The following KLHL1 variants were observed in gnomAD, a reference collection of about 807,000 sequenced individuals.
The protein encoded by KLHL1 is kelch-like protein 1.
KLHL1 carries 47 observed loss-of-function variants against 77.7 expected under a neutral mutation model. The observed-to-expected ratio is 0.60, with a 90% CI of 0.48 to 0.77. The LOEUF (loss-of-function observed/expected upper bound fraction) is 0.77. Ranked by LOEUF, KLHL1 falls within the 30% of genes least tolerant of loss-of-function variation. The probability of loss-of-function intolerance (pLI) is 0.00; values close to 1 mark genes in which losing one functional copy is unlikely to be tolerated. For missense variants in KLHL1, 925 were observed against 910.8 expected, an observed-to-expected ratio of 1.02 and a Z score of -0.20; for synonymous variants, 360 against 325.2, an observed-to-expected ratio of 1.11 and a Z score of -1.15.
chr13:69,743,211 G>A (rs1161515372), intron 7 of KLHL1, among the ~76,000 whole-genome samples: 1 of 152,008 alleles, frequency 6.6e-6, no homozygotes, highest in East Asian at 1.9e-4. Flanking sequence ...TGTTATAAGA[G>A]CAATGGAAAA....
intron 5 of KLHL1, among the ~76,000 whole-genome samples, chr13:69,868,864 C>T (rs1157250819): frequency 6.6e-6 from 1 of 152,038 alleles, no homozygotes; most frequent in Non-Finnish European, 1.5e-5. Flanking sequence ...TTCTCAGAGC[C>T]TCAATTCCTA....
intron 1 of KLHL1, among the ~76,000 whole-genome samples, chr13:70,054,057 T>A (rs1454070066): frequency 6.6e-6 from 1 of 152,136 alleles, no homozygotes; most frequent in Non-Finnish European, 1.5e-5. Context: ...ATTCTTTTAA[T>A]GGCATTAGCT....
chr13:69,788,727 G>A (rs1170100713), intron 7 of KLHL1, among the ~76,000 whole-genome samples: 4 of 152,036 alleles, frequency 2.6e-5, no homozygotes, highest in African/African-American at 2.4e-5. Flanking sequence ...TTGATAGACA[G>A]TGTATAAATA....
Position 70,107,391 on chromosome 13 carries a change from C to T in KLHL1, c.309G>A (p.Leu103=). 4 of 1,613,996 alleles carry T rather than the reference C, an allele frequency of 2.5e-6. No individual in the cohort carries two copies. Among genetic ancestry groups the T allele is most frequent in the Non-Finnish European group, 3.4e-6 (4 of 1,180,030 alleles). Residue 103 remains leucine (L), a synonymous_variant, in exon 1 of 11, where the codon CTG becomes CTA. Coordinates refer to ENST00000377844, the MANE Select transcript of KLHL1 (RefSeq NM_020866.3). ...NGTLLPVATR[L]QQGAPGQGTQ... ...TGCCCTGCCCAGGAGCCCCTTGCTGCAGCCTCGTGGCAACTGGAAGCAGGG... is the reference window on the plus strand; with the variant it reads ...TGCCCTGCCCAGGAGCCCCTTGCTGTAGCCTCGTGGCAACTGGAAGCAGGG...
chr13:69,930,390 A>G (rs1359148612), intron 4 of KLHL1, among the ~76,000 whole-genome samples: 1 of 151,838 alleles, frequency 6.6e-6, no homozygotes, highest in Non-Finnish European at 1.5e-5. Context: ...CAAAGTACCA[A>G]AAGCTTTTCA....
chr13:69,866,949 T>G lies in KLHL1; in HGVS notation c.1227+15334A>C, dbSNP rs545104673. On this transcript the variant is annotated intron_variant, in intron 5 of 10. Coordinates refer to ENST00000377844, the MANE Select transcript of KLHL1 (RefSeq NM_020866.3). ...CATTTTCTGACCTAAATTATCACGT[T>G]TAATCATTACACATATATTTAATTT... Among the ~76,000 whole-genome samples the G allele has an allele frequency of 5.5e-3, 830 of 150,314 alleles. 5 individuals carry two copies. The highest frequency in any genetic ancestry group is 0.018 in the African/African-American group (750 of 40,748).
At chr13:69,734,836 A>G (rs1020007765) in intron 8 of KLHL1, among the ~76,000 whole-genome samples, 3 of 152,146 alleles carry the variant, frequency 2.0e-5, no homozygotes, top group Non-Finnish European at 4.4e-5. Context: ...TAAAACTTCT[A>G]CTGTCATTTC....
chr13:69,871,720 G>A (rs1226211734), intron 5 of KLHL1, among the ~76,000 whole-genome samples: 4 of 150,224 alleles, frequency 2.7e-5, no homozygotes, highest in African/African-American at 9.8e-5. Context: ...GACACAATTC[G>A]GCCAACTTTT....
chr13:69,995,016 G>A (rs1329081821), intron 1 of KLHL1, among the ~76,000 whole-genome samples: 1 of 152,078 alleles, frequency 6.6e-6, no homozygotes, highest in Non-Finnish European at 1.5e-5. Context: ...AGACAGTGTG[G>A]ACACGAGTGT....
chr13:69,742,808 C>G (rs1874040117), intron 7 of KLHL1, among the ~76,000 whole-genome samples: 1 of 152,060 alleles, frequency 6.6e-6, no homozygotes, highest in South Asian at 2.1e-4. Flanking sequence ...AATTAAAAAC[C>G]ATAAACTTCA....
chr13:69,949,592 G>C (rs1368376189), intron 3 of KLHL1, among the ~76,000 whole-genome samples: 1 of 151,606 alleles, frequency 6.6e-6, no homozygotes, highest in Non-Finnish European at 1.5e-5. Context: ...AAGTCCCTAT[G>C]CACAGCCTAC....
chr13:69,847,622 T>A (rs900736778), intron 5 of KLHL1, among the ~76,000 whole-genome samples: 1 of 151,512 alleles, frequency 6.6e-6, no homozygotes, highest in Non-Finnish European at 1.5e-5. Context: ...GGCTATATTA[T>A]GAAAACATAT....
chr13:70,082,337 A>G, intron 1 of KLHL1, among the ~76,000 whole-genome samples: 1 of 147,552 alleles, frequency 6.8e-6, no homozygotes, highest in Non-Finnish European at 1.5e-5. Flanking sequence ...ACACACACAC[A>G]CACACACACA....
At chr13:69,721,351 A>G (rs890810438) in intron 8 of KLHL1, among the ~76,000 whole-genome samples, 2 of 151,034 alleles carry the variant, frequency 1.3e-5, no homozygotes, top group Admixed American at 6.6e-5. Flanking sequence ...CCTAAAATGT[A>G]TAAAATCAAG....
intron 1 of KLHL1, among the ~76,000 whole-genome samples, chr13:70,023,297 G>A (rs1885849513): frequency 6.6e-6 from 1 of 151,722 alleles, no homozygotes; most frequent in Non-Finnish European, 1.5e-5. Flanking sequence ...CTCTACGTGT[G>A]TGTACCTGAG....
intron 6 of KLHL1, among the ~76,000 whole-genome samples, chr13:69,831,817 A>G (rs115549345): frequency 0.016 from 2,425 of 150,290 alleles, 253 homozygotes; most frequent in African/African-American, 0.056. Context: ...TAGATGTGCT[A>G]CACAACATAA....
chr13:70,040,415 C>T (rs1353535643), intron 1 of KLHL1, among the ~76,000 whole-genome samples: 5 of 152,126 alleles, frequency 3.3e-5, no homozygotes, highest in Admixed American at 1.3e-4. Flanking sequence ...ATGCAGTATA[C>T]ACATGTAATA....
intron 6 of KLHL1, among the ~76,000 whole-genome samples, chr13:69,812,338 G>A (rs1473542990): frequency 6.6e-6 from 1 of 152,090 alleles, no homozygotes; most frequent in Non-Finnish European, 1.5e-5. Context: ...ATGGATTAAA[G>A]ACTTAAATGT....
At chr13:69,704,615 C>T (rs1001957794) in intron 10 of KLHL1, among the ~76,000 whole-genome samples, 1 of 151,692 alleles carries the variant, frequency 6.6e-6, no homozygotes, top group Non-Finnish European at 1.5e-5. Context: ...TATCATAGTG[C>T]TATTCTCTTA....
Sources: allele counts gnomAD v4.1 joint callset (sites outside exome capture counted in the v4.1 genomes callset), GRCh38; gene constraint gnomAD v4.1.1; transcripts MANE v1.5; gene names NCBI Gene and HGNC (gene_info 2026-07-23, HGNC 2026-07-21).